The following PPA1 variants were observed in gnomAD, a reference collection of about 807,000 sequenced individuals.
PPA1 encodes the protein inorganic pyrophosphatase 1.
In PPA1, 23 loss-of-function variants were observed where a neutral mutation model predicts 41.8. The ratio of observed to expected loss-of-function variants is 0.55; its 90% CI spans 0.40 to 0.78. The LOEUF is 0.78. Ranked by LOEUF, PPA1 falls within the 30% of genes least tolerant of loss-of-function variation. The probability of loss-of-function intolerance (pLI) is 0.00; values close to 1 mark genes in which losing one functional copy is unlikely to be tolerated. For missense variants in PPA1, 320 were observed against 361.6 expected (o/e 0.89, Z 0.93); for synonymous variants, 101 against 116.8 (o/e 0.86, Z 0.87).
chr10:70,213,668 TAAGA>T (rs764195043), intron 5 of PPA1, 79 bp from the exon 6 acceptor site: 550 of 1,474,668 alleles, frequency 3.7e-4, no homozygotes, highest in Non-Finnish European at 4.7e-4. Flanking sequence ...TAACAGGAAA[TAAGA>T]AAGAGGCCAA....
chr10:70,226,826 C>G (rs1311269746), intron 2 of PPA1, among the ~76,000 whole-genome samples: 1 of 152,052 alleles, frequency 6.6e-6, no homozygotes, highest in African/African-American at 2.4e-5. Flanking sequence ...AAGCATCAAT[C>G]TATTTGATTA....
intron 6 of PPA1, chr10:70,210,503 G>A (rs3969945): frequency 0.38 from 473,050 of 1,238,722 alleles, 92,912 homozygotes; most frequent in East Asian, 0.53. Flanking sequence ...GGATAGTACA[G>A]GCACTGTACA....
At chr10:70,203,887 C>T (rs1839907542) in intron 10 of PPA1, 1 of 152,396 alleles carries the variant, frequency 6.6e-6, no homozygotes, top group East Asian at 1.9e-4. Context: ...CTCCATGGAA[C>T]TCAGAGGGGC....
intron 1 of PPA1, 134 bp from the exon 2 acceptor site, chr10:70,230,533 C>A: frequency 1.2e-6 from 1 of 846,512 alleles, no homozygotes; most frequent in African/African-American, 1.7e-5. Flanking sequence ...GTGATCTTGG[C>A]TCACTGCCAC....
chr10:70,226,654 A>T (rs567505384), intron 2 of PPA1, among the ~76,000 whole-genome samples: 2 of 152,320 alleles, frequency 1.3e-5, no homozygotes, highest in South Asian at 4.1e-4. Context: ...TTCTAAGCAT[A>T]ATCTGTTTAT....
At chr10:70,204,969 A>T (rs1426237100) in intron 9 of PPA1, 54 bp from the exon 10 acceptor site, 1 of 1,406,480 alleles carries the variant, frequency 7.1e-7, no homozygotes, top group East Asian at 2.5e-5. Flanking sequence ...TTAAAAAGCT[A>T]AAAAGGTATA....
chr10:70,206,064 T>C (rs1163923943), intron 9 of PPA1, 200 bp downstream of exon 9: 1 of 567,802 alleles, frequency 1.8e-6, no homozygotes, highest in Non-Finnish European at 3.2e-6. Flanking sequence ...TTATGATTGA[T>C]TAGAATCACT....
intron 4 of PPA1, among the ~76,000 whole-genome samples, chr10:70,215,470 CT>C (rs1218096615): frequency 5.3e-5 from 8 of 151,384 alleles, no homozygotes; most frequent in East Asian, 1.9e-4. Flanking sequence ...TTTCTTCTTC[CT>C]TTTTTTTCTT....
chr10:70,222,110 C>T (rs371153332), intron 2 of PPA1, among the ~76,000 whole-genome samples: 4 of 151,502 alleles, frequency 2.6e-5, no homozygotes, highest in East Asian at 1.9e-4. Context: ...CCGAGGTGGG[C>T]GGATTATGAG....
At chr10:70,209,916 A>C (rs1839997785) in intron 6 of PPA1, 3 of 487,890 alleles carry the variant, frequency 6.1e-6, no homozygotes, top group Non-Finnish European at 1.1e-5. Context: ...AAAATCATCT[A>C]GTATCTCTGA....
chr10:70,216,426 G>A (rs1035957585), intron 4 of PPA1, among the ~76,000 whole-genome samples: 1 of 151,628 alleles, frequency 6.6e-6, no homozygotes, highest in Non-Finnish European at 1.5e-5. Flanking sequence ...GGCAGAAGAT[G>A]CAGTGAGCCA....
At chr10:70,224,692 T>A (rs1256601297) in intron 2 of PPA1, among the ~76,000 whole-genome samples, 1 of 152,154 alleles carries the variant, frequency 6.6e-6, no homozygotes, top group Admixed American at 6.6e-5. Context: ...AGCAGTTAAG[T>A]TCAATGTGTC....
intron 2 of PPA1, among the ~76,000 whole-genome samples, chr10:70,223,521 T>A (rs1484705371): frequency 6.6e-6 from 1 of 152,150 alleles, no homozygotes; most frequent in African/African-American, 2.4e-5. Flanking sequence ...TGCCCAGCTC[T>A]GTACTTGTAA....
In PPA1 at chr10:70,217,801, T is replaced by C. The variant is rs1840095433; in HGVS notation, c.297+11A>G. 1.3e-6 allele frequency: 2 copies of C among 1,531,472 alleles called. No individual in the cohort carries two copies. The highest frequency in any genetic ancestry group is 2.8e-5 in the African/African-American group (2 of 72,660). The allele number at this position is 1,531,472 out of a possible 1,614,324, so 94.9% of individuals were successfully genotyped here. ...AAAAAGTACATTGTCAGCAGTTGCA[T>C]GAAGACATACCTGAGGGATGGCACC... On this transcript the variant is annotated intron_variant, in intron 4 of 10. Transcript: ENST00000373232.
chr10:70,220,938 A>G (rs868339493), intron 2 of PPA1, among the ~76,000 whole-genome samples: 344 of 22,672 alleles, frequency 0.015, 12 homozygotes, highest in African/African-American at 0.03. Context: ...TATATACTAT[A>G]TATATAATTT....
At chr10:70,232,942 G>T (rs555718610) in intron 1 of PPA1, among the ~76,000 whole-genome samples, 1 of 152,274 alleles carries the variant, frequency 6.6e-6, no homozygotes, top group East Asian at 1.9e-4. Flanking sequence ...TCTAGGGTGG[G>T]TCGGTGATTT....
At chr10:70,230,207 C>A (rs1290454552) in intron 2 of PPA1, 134 bp downstream of exon 2, 7 of 1,072,792 alleles carry the variant, frequency 6.5e-6, no homozygotes, top group Non-Finnish European at 9.5e-6. Context: ...CCACGCCCAG[C>A]CTAATCAACA....
At chr10:70,213,413 G>T in intron 6 of PPA1, 50 bp downstream of exon 6, 1 of 1,600,816 alleles carries the variant, frequency 6.2e-7, no homozygotes, top group South Asian at 1.1e-5. Flanking sequence ...TAAGTATGGT[G>T]GTGCTTATGA....
At chr10:70,217,433 C>G (rs1392048226) in intron 4 of PPA1, among the ~76,000 whole-genome samples, 1 of 152,110 alleles carries the variant, frequency 6.6e-6, no homozygotes, top group Non-Finnish European at 1.5e-5. Context: ...TAGGAATTGG[C>G]CATCTTGGGA....
Sources: allele counts gnomAD v4.1 joint callset (sites outside exome capture counted in the v4.1 genomes callset), GRCh38; gene constraint gnomAD v4.1.1; transcripts MANE v1.5; gene names NCBI Gene and HGNC (gene_info 2026-07-23, HGNC 2026-07-21).